The following PDP1 variants were observed in gnomAD, a reference collection of about 807,000 sequenced individuals.
The protein encoded by PDP1 is pyruvate dehyrogenase phosphatase catalytic subunit 1.
In PDP1, 14 loss-of-function variants were observed where a neutral mutation model predicts 37.1. The ratio of observed to expected loss-of-function variants is 0.38; its 90% confidence interval spans 0.25 to 0.59. The LOEUF (loss-of-function observed/expected upper bound fraction) is 0.59, where lower values mean the gene tolerates loss of function less well. Ranked by LOEUF, PDP1 falls within the 20% of genes least tolerant of loss-of-function variation. The probability of loss-of-function intolerance (pLI) is 0.67; values close to 1 mark genes in which losing one functional copy is unlikely to be tolerated. For missense variants in PDP1, 544 were observed against 655.3 expected (o/e 0.83, Z 1.85); for synonymous variants, 251 against 243.3 (o/e 1.03, Z -0.29).
chr8:93,923,895 G>A lies in PDP1; in HGVS notation c.*222G>A. On this transcript the variant is annotated 3_prime_UTR_variant, in exon 2 of 2. Coordinates refer to ENST00000297598, the MANE Select transcript of PDP1 (RefSeq NM_018444.4). This position sits in a 1 kb window ranked among gnomAD's most constrained non-coding sequence, Gnocchi z 4.3. ...AGATTTCATGGCACCTGCACTTGAAGCAAGTCACTTCTTTATCACAGGTGT... is the reference window on the plus strand; with the variant it reads ...AGATTTCATGGCACCTGCACTTGAAACAAGTCACTTCTTTATCACAGGTGT... The A allele has an allele frequency of 1.9e-6, 1 of 526,188 alleles. No homozygotes were observed. Among genetic ancestry groups the A allele is most frequent in the Non-Finnish European group, 3.6e-6 (1 of 280,744 alleles). 32.6% of individuals were successfully genotyped at this position (526,188 alleles called of 1,614,324 possible).
chr8:93,923,029 C>T lies in PDP1; in HGVS notation c.970C>T (p.Arg324Trp), dbSNP rs1810332027. ...TGCTCAAAATGAAAGAGAACTAGAA[C>T]GGCTGAAATTGGAACATCCAAAGAG... ...HNAQNERELE[R>W]LKLEHPKSEA... The change falls in exon 2 of 2, where the codon CGG (arginine) becomes TGG (tryptophan). Residue 324 changes from arginine (R) to tryptophan (W), a missense_variant. Physicochemically the swap from Arg to Trp is moderately radical, Grantham distance 101 (BLOSUM62 -3). Coordinates refer to ENST00000297598, the MANE Select transcript of PDP1 (RefSeq NM_018444.4). The surrounding 1 kb of genome is among the most constrained non-coding windows in gnomAD (Gnocchi z 4.3). 3.1e-6 allele frequency: 5 copies of T among 1,614,148 alleles called. No homozygotes were observed. The highest frequency in any genetic ancestry group is 4.2e-6 in the Non-Finnish European group (5 of 1,180,038).
rs1222022654 is a variant in PDP1, at chr8:93,923,792, T to G, written c.*119T>G. On this transcript the variant is annotated 3_prime_UTR_variant, in exon 2 of 2. Transcript: ENST00000297598. The surrounding 1 kb of genome is among the most constrained non-coding windows in gnomAD (Gnocchi z 4.3). ...TCATTCTAAGCATTTACCCTTTTGA[T>G]ACTCTAGCTAGTCAGGTACTCCAAA... The G allele has an allele frequency of 3.4e-6, 3 of 878,898 alleles. No individual in the cohort carries two copies. The highest frequency in any genetic ancestry group is 5.7e-6 in the Non-Finnish European group (3 of 529,558). 54.4% of individuals were successfully genotyped at this position (878,898 alleles called of 1,614,324 possible). A position where few individuals can be genotyped will look rare whatever the true frequency, so the allele number is the denominator to read the frequency against.
At position 93,923,654 on chromosome 8, in the gene PDP1, C is replaced by T. The variant is rs768767735; in HGVS notation, c.1595C>T (p.Ala532Val). The change falls in exon 2 of 2, where the codon GCG becomes GTG. Residue 532 changes from alanine to valine, a missense_variant. Physicochemically the swap from Ala to Val is moderately conservative, Grantham distance 64 (BLOSUM62 0). Around this residue, in one of 5 missense-constraint regions of PDP1, gnomAD observed 159 missense variants for 165.5 expected, o/e 0.96. Transcript: ENST00000297598. This position sits in a 1 kb window ranked among gnomAD's most constrained non-coding sequence, Gnocchi z 4.3. Reference sequence around the variant, plus strand: ...CAGTTCAATTCTCATGTTGTAGGGGCGTATCAAAACCAAGAATAGTGAGTG... The same window carrying T: ...CAGTTCAATTCTCATGTTGTAGGGGTGTATCAAAACCAAGAATAGTGAGTG... ...VVQFNSHVVG[A>V]YQNQE is the part of the protein sequence containing the mutation. 5.3e-5 allele frequency: 86 copies of T among 1,613,222 alleles called. 1 individual carries two copies. The highest frequency in any genetic ancestry group is 3.8e-4 in the South Asian group (35 of 91,028).
intron 1 of PDP1, chr8:93,917,891 G>C: frequency 6.2e-7 from 1 of 1,614,012 alleles, no homozygotes; most frequent in Non-Finnish European, 8.5e-7. Context: ...GATGTTGTCG[G>C]CTCCGTGTTG....
intron 1 of PDP1, among the ~76,000 whole-genome samples, chr8:93,920,139 AATG>A (rs2130374502): frequency 6.6e-6 from 1 of 152,334 alleles, no homozygotes; most frequent in South Asian, 2.1e-4. Flanking sequence ...GTGCAGTTAA[AATG>A]ATGGTACTTT....
chr8:93,919,417 G>A (rs2130370384), intron 1 of PDP1, among the ~76,000 whole-genome samples: 1 of 152,204 alleles, frequency 6.6e-6, no homozygotes, highest in African/African-American at 2.4e-5. Context: ...GGGAGGCGGA[G>A]GTTGCGATGA....
intron 1 of PDP1, 88 bp downstream of exon 1, chr8:93,917,167 C>T (rs1810089016): frequency 2.4e-6 from 1 of 409,020 alleles, no homozygotes; most frequent in Admixed American, 3.3e-5. Flanking sequence ...GGCGTGCTCG[C>T]GGATCGGCGG....
At chr8:93,919,172 T>C in intron 1 of PDP1, 1 of 944,730 alleles carries the variant, frequency 1.1e-6, no homozygotes, top group Non-Finnish European at 1.3e-6. Flanking sequence ...ACCTGCTGTG[T>C]CAATCATTGC....
At chr8:93,919,586 A>T (rs755339956) in intron 1 of PDP1, among the ~76,000 whole-genome samples, 1 of 147,830 alleles carries the variant, frequency 6.8e-6, no homozygotes, top group Admixed American at 6.9e-5. Flanking sequence ...AAACAATCAA[A>T]CCCTGTTATG....
intron 1 of PDP1, chr8:93,920,500 A>C: frequency 1.1e-6 from 1 of 933,768 alleles, no homozygotes; most frequent in Non-Finnish European, 1.3e-6. Context: ...ATTCAGGGAA[A>C]ATATATGTTA....
intron 1 of PDP1, chr8:93,917,611 C>T: frequency 4.1e-6 from 2 of 492,476 alleles, no homozygotes; most frequent in South Asian, 5.0e-5. Context: ...CGGGGCGCAC[C>T]CCTGCTCGCG....
chr8:93,919,981 G>T (rs1810216853), intron 1 of PDP1: 1 of 152,114 alleles, frequency 6.6e-6, no homozygotes, highest in Admixed American at 6.6e-5. Flanking sequence ...TACTCCTGAT[G>T]GATTCCCGTT....
Position 93,922,539 on chromosome 8 carries a change from TTATTA to T in PDP1, c.485_489del (p.Tyr162CysfsTer8). The T allele has an allele frequency of 6.2e-7, 1 of 1,613,960 alleles. No individual in the cohort carries two copies. On this transcript the variant is annotated frameshift_variant, in exon 2 of 2. Transcript: ENST00000297598. LOFTEE classifies it high-confidence loss of function. This position sits in a 1 kb window ranked among gnomAD's most constrained non-coding sequence, Gnocchi z 4.0. Reference sequence around the variant, plus strand: ...CCCAGGCAGTCAGTGAAAGACTCTTTTATTATATTGCTGTCTCTTTGTTACCCCAT... The same window carrying T: ...CCCAGGCAGTCAGTGAAAGACTCTTTTATTGCTGTCTCTTTGTTACCCCAT...
chr8:93,921,851 C>T (rs1248133285), intron 1 of PDP1, 165 bp from the exon 2 acceptor site: 2 of 558,900 alleles, frequency 3.6e-6, no homozygotes, highest in Admixed American at 3.4e-5. Context: ...CCAGAATATA[C>T]CCTGTAGAAA....
intron 1 of PDP1, among the ~76,000 whole-genome samples, chr8:93,920,205 A>T (rs1036554903): frequency 6.6e-6 from 1 of 152,224 alleles, no homozygotes; most frequent in Non-Finnish European, 1.5e-5. Flanking sequence ...TGCTTATTAC[A>T]GAAACAAACA....
chr8:93,922,903 G>T lies in PDP1; in HGVS notation c.844G>T (p.Val282Phe). 6.2e-7 allele frequency: 1 copy of T among 1,614,256 alleles called. No homozygotes were observed. Among genetic ancestry groups the T allele is most frequent in the Non-Finnish European group, 8.5e-7 (1 of 1,180,040 alleles). Reference sequence around the variant, plus strand: ...TGCTTGTGTGGCCCATGTGGATGGTGTTGACCTTCATGTGGCCAATACTGG... The same window carrying T: ...TGCTTGTGTGGCCCATGTGGATGGTTTTGACCTTCATGTGGCCAATACTGG... ...ATACVAHVDGVDLHVANTGDS... is the reference protein window; with the variant it reads ...ATACVAHVDGFDLHVANTGDS... The change falls in exon 2 of 2, where the codon GTT becomes TTT. Residue 282 changes from valine (V) to phenylalanine (F), a missense_variant. Around this residue, in one of 5 missense-constraint regions of PDP1, gnomAD observed 342 missense variants for 414.0 expected, o/e 0.83. Coordinates refer to ENST00000297598, the MANE Select transcript of PDP1 (RefSeq NM_018444.4). This position sits in a 1 kb window ranked among gnomAD's most constrained non-coding sequence, Gnocchi z 4.0.
Position 93,923,164 on chromosome 8 carries a change from A to G in PDP1, c.1105A>G (p.Ile369Val). 1 of 1,614,238 alleles carries G rather than the reference A, an allele frequency of 6.2e-7. No individual in the cohort carries two copies. Among genetic ancestry groups the G allele is most frequent in the Non-Finnish European group, 8.5e-7 (1 of 1,180,036 alleles). The change falls in exon 2 of 2, where the codon ATA (isoleucine) becomes GTA (valine). Residue 369 changes from isoleucine to valine, a missense_variant. Transcript: ENST00000297598. This position sits in a 1 kb window ranked among gnomAD's most constrained non-coding sequence, Gnocchi z 4.3. Reference sequence around the variant, plus strand: ...GAGCATTGACCTTCAAAAGAGAGTGATAGAATCTGGCCCAGACCAGTTGAA... The same window carrying G: ...GAGCATTGACCTTCAAAAGAGAGTGGTAGAATCTGGCCCAGACCAGTTGAA... ...KWSIDLQKRVIESGPDQLNDN... is the reference protein window; with the variant it reads ...KWSIDLQKRVVESGPDQLNDN...
intron 1 of PDP1, chr8:93,918,004 G>C: frequency 6.3e-7 from 1 of 1,589,200 alleles, no homozygotes; most frequent in African/African-American, 1.3e-5. Flanking sequence ...ACAGATTTTT[G>C]TGTATGGATG....
At chr8:93,918,166 G>A (rs1810145824) in intron 1 of PDP1, among the ~76,000 whole-genome samples, 1 of 152,188 alleles carries the variant, frequency 6.6e-6, no homozygotes, top group African/African-American at 2.4e-5. Flanking sequence ...GGCGTGTGGT[G>A]CTTCGTATCT....
Sources: gnomAD v4.1 joint callset for allele counts (sites outside exome capture counted in the v4.1 genomes callset) on GRCh38, gnomAD v4.1.1 for gene constraint, gnomAD v4.1.1 regional missense constraint, Gnocchi (gnomAD v3.1) non-coding constraint, MANE v1.5 for transcripts, NCBI Gene and HGNC (gene_info 2026-07-23, HGNC 2026-07-21) for gene names.